DNAAF4: variants seen among roughly 807,000 people sequenced by gnomAD.
DNAAF4 encodes dynein assembly factor 4, axonemal.
DNAAF4 carries 43 observed loss-of-function variants against 51.8 expected under a neutral mutation model. The ratio of observed to expected loss-of-function variants is 0.83; its 90% CI spans 0.65 to 1.07. The LOEUF is 1.07. Among genes scored for constraint, DNAAF4 ranks in the 50% least tolerant of loss-of-function variants. DNAAF4 has a pLI of 0.00. For missense variants in DNAAF4, 581 were observed against 493.0 expected (o/e 1.18, Z -1.69); for synonymous variants, 194 against 165.6 (o/e 1.17, Z -1.32).
chr15:55,464,693 T>C (rs1039440266), intron 5 of DNAAF4, among the ~76,000 whole-genome samples: 1 of 152,022 alleles, frequency 6.6e-6, no homozygotes, highest in Non-Finnish European at 1.5e-5. Context: ...TCCCGCCAGG[T>C]GTGGTGGCTC....
chr15:55,433,905 T>A (rs1238756770), intron 8 of DNAAF4, among the ~76,000 whole-genome samples: 2 of 7,598 alleles, frequency 2.6e-4, no homozygotes, highest in African/African-American at 4.1e-4. Flanking sequence ...TTATATATAT[T>A]ATATATAATT....
intron 6 of DNAAF4, among the ~76,000 whole-genome samples, chr15:55,441,834 A>G (rs555183915): frequency 1.3e-5 from 2 of 152,270 alleles, no homozygotes; most frequent in African/African-American, 4.8e-5. Flanking sequence ...TTTAATCTCT[A>G]GAATCCCAGA....
chr15:55,460,813 G>A (rs906089335), intron 5 of DNAAF4, among the ~76,000 whole-genome samples: 1 of 150,648 alleles, frequency 6.6e-6, no homozygotes, highest in Non-Finnish European at 1.5e-5. Flanking sequence ...CACCCAGGCT[G>A]GAGTGCAGTG....
At chr15:55,461,491 A>G (rs1322532183) in intron 5 of DNAAF4, among the ~76,000 whole-genome samples, 9 of 152,204 alleles carry the variant, frequency 5.9e-5, no homozygotes, top group African/African-American at 2.2e-4. Context: ...GGAACACTCA[A>G]AACTATACAA....
At chr15:55,438,838 T>C (rs2057661364) in intron 7 of DNAAF4, among the ~76,000 whole-genome samples, 1 of 152,020 alleles carries the variant, frequency 6.6e-6, no homozygotes, top group Non-Finnish European at 1.5e-5. Context: ...AGCTGTAGCT[T>C]TGCAAAAAGC....
Position 55,498,591 on chromosome 15 carries a change from GAGAAA to G in DNAAF4, c.-255-12_-255-8del. On this transcript the variant is annotated splice_polypyrimidine_tract_variant and splice_region_variant and intron_variant, in intron 1 of 9. Coordinates refer to ENST00000321149, the MANE Select transcript of DNAAF4 (RefSeq NM_130810.4). Reference sequence around the variant, plus strand: ...AGAAGTAGACCCATACCCTCTGCTTGAGAAAAAAAAAAAAAAAAAAAAGCACTCTG... The same window carrying G: ...AGAAGTAGACCCATACCCTCTGCTTGAAAAAAAAAAAAAAAAAGCACTCTG... 1.8e-5 allele frequency: 1 copy of G among 56,810 alleles called. No individual in the cohort carries two copies. Among genetic ancestry groups the G allele is most frequent in the Non-Finnish European group, 3.0e-5 (1 of 33,288 alleles). 3.5% of individuals were successfully genotyped at this position (56,810 alleles called of 1,614,324 possible).
At chr15:55,462,632 A>C (rs1172370934) in intron 5 of DNAAF4, among the ~76,000 whole-genome samples, 1 of 128,124 alleles carries the variant, frequency 7.8e-6, no homozygotes, top group African/African-American at 2.7e-5. Context: ...AGGACATAAC[A>C]AAAAAAAAAA....
chr15:55,431,373 C>T (rs2057490915), intron 9 of DNAAF4, among the ~76,000 whole-genome samples: 1 of 151,566 alleles, frequency 6.6e-6, no homozygotes, highest in Non-Finnish European at 1.5e-5. Context: ...CACACACACA[C>T]ACACACACAC....
rs11316491 is a variant in DNAAF4 at position 55,435,288 on chromosome 15, AG to A, written c.894-231del. 1 allele frequency among the ~76,000 whole-genome samples: 152,314 copies of A among 152,314 alleles called. 76,157 individuals are homozygous for A. Among genetic ancestry groups the A allele is most frequent in the Non-Finnish European group, 1 (68,048 of 68,048 alleles). On this transcript the variant is annotated intron_variant, in intron 7 of 9. Transcript: ENST00000321149. The stretch of plus-strand genomic sequence containing the variant: ...GTAGACATTAGTAATTTAAGCCAGT[AG>A]GGCATATTTGCATTATTTTTGCTCC...
chr15:55,465,526 T>C (rs2058158324), intron 5 of DNAAF4, among the ~76,000 whole-genome samples: 1 of 150,586 alleles, frequency 6.6e-6, no homozygotes, highest in South Asian at 2.1e-4. Flanking sequence ...CTACATGAAG[T>C]AACTCAGAAA....
chr15:55,467,256 C>G lies in DNAAF4; in HGVS notation c.406-95G>C, dbSNP rs534567425. On this transcript the variant is annotated intron_variant, in intron 4 of 9. Transcript: ENST00000321149. ...TTACAATAATTAGTTATTCATACCT[C>G]TAAACTCTTGCCATTGTATTTGTAA... 49 of 1,140,494 alleles carry G rather than the reference C, an allele frequency of 4.3e-5. No homozygotes were observed. In the African/African-American group the frequency reaches 6.0e-4, roughly 14 times the overall value. The allele number at this position is 1,140,494 out of a possible 1,614,324, so 70.6% of individuals were successfully genotyped here. A position where few individuals can be genotyped will look rare whatever the true frequency, so the allele number is the denominator to read the frequency against.
In DNAAF4 at chr15:55,435,044, G is replaced by A. The variant is rs769471957; in HGVS notation, c.908C>T (p.Thr303Met). The change falls in exon 8 of 10, where the codon ACG becomes ATG. Residue 303 changes from threonine (T) to methionine (M), a missense_variant. Thr to Met is a moderately conservative substitution (Grantham distance 81). Transcript: ENST00000321149. The part of the protein sequence containing the change: ...LKDKGNKLFA[T>M]ENYLAAINAY... ...ATTGATAGCTGCCAAATAGTTTTCC[G>A]TTGCAAACAATTTGCTAATGAGACA... is the stretch of plus-strand genomic sequence containing the variant. The A allele has an allele frequency of 6.9e-5, 110 of 1,587,804 alleles. 2 individuals carry two copies. The South Asian group carries it at 7.6e-4, about 11-fold the overall frequency.
chr15:55,430,093 T>G (rs1050550924), downstream of DNAAF4, among the ~76,000 whole-genome samples: 10 of 152,196 alleles, frequency 6.6e-5, no homozygotes, highest in Non-Finnish European at 1.3e-4. Flanking sequence ...AGTTTTCAGG[T>G]GCACAGCCTA....
intron 6 of DNAAF4, among the ~76,000 whole-genome samples, chr15:55,446,325 C>T (rs1447673175): frequency 9.5e-6 from 1 of 105,190 alleles, no homozygotes; most frequent in Non-Finnish European, 1.8e-5. Flanking sequence ...GGCAGAGGCA[C>T]TCCTCACTTC....
Position 55,491,248 on chromosome 15 carries a change from CTT to C in DNAAF4, c.278_279del (p.Lys93ArgfsTer7), listed in dbSNP as rs2058567125. On this transcript the variant is annotated frameshift_variant, in exon 4 of 10. Transcript: ENST00000321149. LOFTEE classifies it high-confidence loss of function. ...TTTTCTCTAATTCTTTGCATCATCT[CTT>C]TGTCAACTAAAATGTACAGAATATT... The part of the protein sequence containing the change: ...WETLSVTGVD[K>X]EMMQRIREKS... 1.9e-6 allele frequency: 3 copies of C among 1,611,770 alleles called. No individual in the cohort carries two copies. The highest frequency in any genetic ancestry group is 1.1e-5 in the South Asian group (1 of 90,766).
intron 4 of DNAAF4, among the ~76,000 whole-genome samples, chr15:55,470,719 T>A (rs28670205): frequency 6.8e-6 from 1 of 147,578 alleles, no homozygotes; most frequent in South Asian, 2.2e-4. Context: ...TTTTATGTTA[T>A]TTTTTTGTAA....
chr15:55,431,713 T>TCAG (rs2057498417), intron 9 of DNAAF4, among the ~76,000 whole-genome samples: 1 of 151,892 alleles, frequency 6.6e-6, no homozygotes, highest in Non-Finnish European at 1.5e-5. Flanking sequence ...CTCCTGACCT[T>TCAG]GTGATCCACC....
intron 5 of DNAAF4, among the ~76,000 whole-genome samples, chr15:55,451,508 A>G (rs949553411): frequency 4.6e-5 from 7 of 152,234 alleles, no homozygotes; most frequent in Non-Finnish European, 1.0e-4. Flanking sequence ...ATGTTCCAGA[A>G]CACAGAGAAA....
intron 3 of DNAAF4, among the ~76,000 whole-genome samples, chr15:55,496,453 T>C (rs1378928149): frequency 6.6e-6 from 1 of 152,216 alleles, no homozygotes; most frequent in African/African-American, 2.4e-5. Flanking sequence ...AGGCTGCCAG[T>C]CACTAGCTGT....
Sources: gnomAD v4.1 joint callset for allele counts (sites outside exome capture counted in the v4.1 genomes callset) on GRCh38, gnomAD v4.1.1 for gene constraint, MANE v1.5 for transcripts, NCBI Gene and HGNC (gene_info 2026-07-23, HGNC 2026-07-21) for gene names.